Variants in SRPK2 observed in about 807,000 individuals in gnomAD.
SRPK2 encodes SRSF protein kinase 2, also known as SFRS protein kinase 2.
Under a neutral mutation model 90.8 loss-of-function variants are expected in SRPK2, and 21 were observed. The ratio of observed to expected loss-of-function variants is 0.23; its 90% CI spans 0.16 to 0.33. The LOEUF (loss-of-function observed/expected upper bound fraction) is 0.33. Among genes scored for constraint, SRPK2 ranks in the 10% least tolerant of loss-of-function variants. The pLI is 1.00. For synonymous variants in SRPK2, 288 were observed against 311.1 expected (o/e 0.93, Z 0.78); for missense variants, 620 against 869.0 (o/e 0.71, Z 3.60).
intron 2 of SRPK2, among the ~76,000 whole-genome samples, chr7:105,309,238 A>G (rs959603785): frequency 2.0e-5 from 3 of 152,010 alleles, no homozygotes; most frequent in African/African-American, 7.2e-5. Context: ...GTTACAAGAA[A>G]AAAAAAAAAG....
intron 2 of SRPK2, among the ~76,000 whole-genome samples, chr7:105,288,422 A>G (rs7811681): frequency 0.6 from 91,728 of 151,866 alleles, 28,655 homozygotes; most frequent in South Asian, 0.76. Flanking sequence ...AGTGAACCCT[A>G]TCTCTACTAA....
rs371837953 is a variant in SRPK2 at position 105,351,817 on chromosome 7, A to AAAG, written c.71+36828_71+36830dup. Among the ~76,000 whole-genome samples, 390 of 147,396 alleles carry AAAG rather than the reference A, an allele frequency of 2.6e-3. 1 individual carries two copies. Among genetic ancestry groups the AAAG allele is most frequent in the South Asian group, 7.7e-3 (37 of 4,778 alleles). On this transcript the variant is annotated intron_variant, in intron 2 of 15. Transcript: ENST00000393651. ...AAGACTCCATCTCAAAAAAAAAAAA[A>AAAG]AAGAAGAAGAAGAAGAAGAAGAAAT... is the stretch of plus-strand genomic sequence containing the variant.
At chr7:105,118,055 A>G (rs2129570979) in intron 15 of SRPK2, 33 bp from the exon 16 acceptor site, 1 of 1,605,918 alleles carries the variant, frequency 6.2e-7, no homozygotes, top group East Asian at 2.2e-5. Context: ...ATGTCAAGAA[A>G]GCTCCAAATC....
chr7:105,168,746 T>TGTGTGTGG, intron 4 of SRPK2, among the ~76,000 whole-genome samples: 1 of 11,290 alleles, frequency 8.9e-5, no homozygotes. Context: ...ACGCACCAAA[T>TGTGTGTGG]GTGTGTGTGT....
At chr7:105,305,434 C>G (rs1286266343) in intron 2 of SRPK2, among the ~76,000 whole-genome samples, 1 of 152,060 alleles carries the variant, frequency 6.6e-6, no homozygotes, top group African/African-American at 2.4e-5. Flanking sequence ...GAGCGAGACT[C>G]TGTCACAAAA....
At chr7:105,209,470 C>T (rs931015748) in intron 2 of SRPK2, among the ~76,000 whole-genome samples, 6 of 151,700 alleles carry the variant, frequency 4.0e-5, no homozygotes, top group Non-Finnish European at 8.8e-5. Flanking sequence ...CTTGAGCATG[C>T]GAGTCTGCAA....
chr7:105,374,190 G>A (rs1298540002), intron 2 of SRPK2, among the ~76,000 whole-genome samples: 2 of 152,158 alleles, frequency 1.3e-5, no homozygotes, highest in Non-Finnish European at 2.9e-5. Flanking sequence ...GCCTCCCAAA[G>A]TGCTGGGATT....
At chr7:105,291,659 G>A (rs891527646) in intron 2 of SRPK2, among the ~76,000 whole-genome samples, 3 of 152,140 alleles carry the variant, frequency 2.0e-5, no homozygotes, top group African/African-American at 7.2e-5. Flanking sequence ...GAACCCAGGG[G>A]GCAGAGGCTG....
intron 2 of SRPK2, among the ~76,000 whole-genome samples, chr7:105,296,389 T>C (rs927747890): frequency 5.9e-5 from 9 of 152,182 alleles, no homozygotes; most frequent in Admixed American, 1.3e-4. Flanking sequence ...TTTTGACTCA[T>C]ATTTCTTAAG....
chr7:105,121,935 T>C (rs150829067), intron 15 of SRPK2, among the ~76,000 whole-genome samples: 2,057 of 152,360 alleles, frequency 0.014, 27 homozygotes, highest in Non-Finnish European at 0.021. Context: ...TCCTGGACTA[T>C]ATTTACATGA....
intron 2 of SRPK2, among the ~76,000 whole-genome samples, chr7:105,290,021 C>G (rs759482208): frequency 6.6e-6 from 1 of 152,042 alleles, no homozygotes; most frequent in Non-Finnish European, 1.5e-5. Flanking sequence ...AGAACACACA[C>G]AGCATGTATC....
intron 3 of SRPK2, among the ~76,000 whole-genome samples, chr7:105,179,651 C>T (rs962832333): frequency 6.6e-6 from 1 of 151,632 alleles, no homozygotes; most frequent in South Asian, 2.1e-4. Flanking sequence ...ATGGTGAAAC[C>T]GCATCTCCAC....
intron 1 of SRPK2, among the ~76,000 whole-genome samples, chr7:105,397,697 A>G (rs974486266): frequency 6.6e-6 from 1 of 151,696 alleles, no homozygotes; most frequent in African/African-American, 2.4e-5. Context: ...AGGCTGGAGT[A>G]CAGTGGCACC....
chr7:105,355,662 G>A (rs966694244), intron 2 of SRPK2, among the ~76,000 whole-genome samples: 21 of 152,174 alleles, frequency 1.4e-4, no homozygotes, highest in Admixed American at 1.4e-3. Context: ...AAAAAAAAGT[G>A]ATAGAAAATC....
intron 9 of SRPK2, among the ~76,000 whole-genome samples, chr7:105,144,847 C>T (rs1366843413): frequency 1.3e-5 from 2 of 152,098 alleles, no homozygotes; most frequent in Non-Finnish European, 2.9e-5. Context: ...TGGTTCAAAC[C>T]TGTAATCCCA....
chr7:105,163,876 C>A lies in SRPK2; in HGVS notation c.515-3263G>T, dbSNP rs75086111. On this transcript the variant is annotated intron_variant, in intron 6 of 15. Transcript: ENST00000393651. ...ATGACAGCACAAACAACAGCCAACA[C>A]CACAGACTTCACGACTGGTTCAACT... is the stretch of plus-strand genomic sequence containing the variant. Among the ~76,000 whole-genome samples, 90 of 152,256 alleles carry A rather than the reference C, an allele frequency of 5.9e-4. 1 individual carries two copies. In the East Asian group the frequency reaches 0.016, roughly 28 times the overall value.
intron 2 of SRPK2, chr7:105,204,720 A>T (rs945175801): frequency 1.3e-6 from 1 of 747,436 alleles, no homozygotes; most frequent in Non-Finnish European, 2.2e-6. Context: ...AACAAGCTTG[A>T]CAAACATATT....
At chr7:105,393,976 A>G (rs1469355326), upstream of SRPK2, among the ~76,000 whole-genome samples, 1 of 151,910 alleles carries the variant, frequency 6.6e-6, no homozygotes, top group Admixed American at 6.6e-5. Flanking sequence ...AACTCCATAC[A>G]GATTAGCAGA....
rs118000448 is a variant in SRPK2 at position 105,281,089 on chromosome 7, G to A, written c.72-77304C>T. On this transcript the variant is annotated intron_variant, in intron 2 of 15. Transcript: ENST00000393651. ...TTTTCTTTTTGTTGTTGTATTTGTT[G>A]TTTGGTTTTTCCCCCGCTTTTTCTG... 8.0e-3 allele frequency among the ~76,000 whole-genome samples: 1,128 copies of A among 140,918 alleles called. 30 individuals carry two copies. Among genetic ancestry groups the A allele is most frequent in the Admixed American group, 0.056 (793 of 14,088 alleles). 92.4% of individuals were successfully genotyped at this position (140,918 alleles called of 152,430 possible).
Sources: gnomAD v4.1 joint callset for allele counts (sites outside exome capture counted in the v4.1 genomes callset) on GRCh38, gnomAD v4.1.1 for gene constraint, MANE v1.5 for transcripts, NCBI Gene and HGNC (gene_info 2026-07-23, HGNC 2026-07-21) for gene names.